The following CNTN6 variants were observed in gnomAD, a reference collection of about 807,000 sequenced individuals.
The protein encoded by CNTN6 is contactin-6.
A neutral mutation model predicts 122.8 loss-of-function variants in CNTN6; 137 were observed. That is an observed-to-expected ratio of 1.12 (90% CI 0.97 to 1.29). The LOEUF is 1.29. Ranked by LOEUF, CNTN6 falls within the 50% of genes most tolerant of loss-of-function variation. The pLI is 0.00. For synonymous variants in CNTN6, 570 were observed against 426.0 expected, an observed-to-expected ratio of 1.34 and a Z score of -4.16; for missense variants, 1,634 against 1,223.4, an observed-to-expected ratio of 1.34 and a Z score of -5.01.
At chr3:1,376,102 G>T (rs916280765) in intron 16 of CNTN6, among the ~76,000 whole-genome samples, 46 of 152,036 alleles carry the variant, frequency 3.0e-4, no homozygotes, top group African/African-American at 1.0e-3. Context: ...CATTTAAAAA[G>T]TATACCCTGC....
At chr3:1,183,687 T>C (rs553413123) in intron 2 of CNTN6, among the ~76,000 whole-genome samples, 1 of 152,306 alleles carries the variant, frequency 6.6e-6, no homozygotes, top group African/African-American at 2.4e-5. Flanking sequence ...AACTCTAGTC[T>C]GAATCATTGC....
chr3:1,117,028 G>T lies in CNTN6; in HGVS notation c.-83+23908G>T, dbSNP rs145472995. On this transcript the variant is annotated intron_variant, in intron 1 of 22. Transcript: ENST00000446702. ...ACCCAGCCGGGGAATGCCAAGTCAT[G>T]AATCAAAGTATCACCGTGTCATAGA... 6.4e-3 allele frequency among the ~76,000 whole-genome samples: 967 copies of T among 152,218 alleles called. 16 individuals carry two copies. The highest frequency in any genetic ancestry group is 0.024 in the Middle Eastern group (7 of 294).
rs770235675 is a variant in CNTN6 at position 1,383,171 on chromosome 3, A to T, written c.2396A>T (p.Glu799Val). 5 of 1,611,684 alleles carry T rather than the reference A, an allele frequency of 3.1e-6. No homozygotes were observed. The highest frequency in any genetic ancestry group is 4.2e-6 in the Non-Finnish European group (5 of 1,177,986). The part of the protein sequence containing the change: ...LSTVTIVYSG[E>V]DEPQLAPRGT... ...ACTGTGACCATTGTCTACTCTGGGG[A>T]AGATGGTAAGTTGTCCTCAACTCTG... The change falls in exon 18 of 23, where the codon GAA becomes GTA. Residue 799 changes from glutamate to valine, a missense_variant. Physicochemically the swap from Glu to Val is moderately radical, Grantham distance 121. Coordinates refer to ENST00000446702, the MANE Select transcript of CNTN6 (RefSeq NM_001289080.2).
intron 2 of CNTN6, among the ~76,000 whole-genome samples, chr3:1,212,365 C>T (rs2094053941): frequency 6.6e-6 from 1 of 150,796 alleles, no homozygotes; most frequent in Admixed American, 6.6e-5. Flanking sequence ...TGCCCAGCCT[C>T]TCTAATAAAA....
chr3:1,104,173 A>AG lies in CNTN6; in HGVS notation c.-83+11059dup, dbSNP rs551766552. ...AAGTATACAACTCTACCAGGTGGAA[A>AG]GGGGGGCTAACATTGTTAATTTTCG... On this transcript the variant is annotated intron_variant, in intron 1 of 22. Transcript: ENST00000446702. Among the ~76,000 whole-genome samples the AG allele has an allele frequency of 2.9e-3, 445 of 152,096 alleles. 4 individuals carry two copies. Among genetic ancestry groups the AG allele is most frequent in the African/African-American group, 0.01 (425 of 41,442 alleles).
intron 2 of CNTN6, among the ~76,000 whole-genome samples, chr3:1,180,551 A>C (rs2093534989): frequency 6.6e-6 from 1 of 152,238 alleles, no homozygotes; most frequent in Non-Finnish European, 1.5e-5. Context: ...ATCTGTCAGC[A>C]ATGTTTCAAC....
intron 4 of CNTN6, among the ~76,000 whole-genome samples, chr3:1,266,533 C>T (rs1559652881): frequency 2.0e-5 from 3 of 152,124 alleles, no homozygotes; most frequent in Admixed American, 2.0e-4. Flanking sequence ...AAGACCTTTA[C>T]CCAGGAGCTC....
At chr3:1,329,438 A>C (rs1490927188) in intron 10 of CNTN6, among the ~76,000 whole-genome samples, 2 of 151,632 alleles carry the variant, frequency 1.3e-5, no homozygotes, top group Non-Finnish European at 2.9e-5. Context: ...CCTCTCTACC[A>C]CTTGCTTTTA....
At chr3:1,203,870 A>G (rs991427397) in intron 2 of CNTN6, among the ~76,000 whole-genome samples, 2 of 152,082 alleles carry the variant, frequency 1.3e-5, no homozygotes, top group Non-Finnish European at 2.9e-5. Context: ...TACCTTTTCT[A>G]TGTATAGATA....
intron 2 of CNTN6, among the ~76,000 whole-genome samples, chr3:1,148,645 G>A (rs1022891634): frequency 6.6e-6 from 1 of 152,098 alleles, no homozygotes; most frequent in African/African-American, 2.4e-5. Flanking sequence ...TAATATCTGT[G>A]TATCAGTTAA....
At chr3:1,336,135 A>G (rs1703028206) in intron 11 of CNTN6, among the ~76,000 whole-genome samples, 1 of 149,864 alleles carries the variant, frequency 6.7e-6, no homozygotes, top group South Asian at 2.1e-4. Flanking sequence ...TTAAAAAAAA[A>G]GCCTACTGCA....
At chr3:1,350,961 A>C (rs1411038786) in intron 11 of CNTN6, among the ~76,000 whole-genome samples, 1 of 151,848 alleles carries the variant, frequency 6.6e-6, no homozygotes, top group Non-Finnish European at 1.5e-5. Flanking sequence ...TCAATTGTTA[A>C]TGTAAATTGG....
chr3:1,250,498 CA>C (rs1332903105), intron 4 of CNTN6, among the ~76,000 whole-genome samples: 2 of 152,156 alleles, frequency 1.3e-5, no homozygotes, highest in Non-Finnish European at 2.9e-5. Context: ...AACACACACT[CA>C]AAACACACAT....
intron 1 of CNTN6, among the ~76,000 whole-genome samples, chr3:1,137,221 A>T (rs2092499361): frequency 6.6e-6 from 1 of 152,206 alleles, no homozygotes; most frequent in South Asian, 2.1e-4. Context: ...GGTGTGAGAC[A>T]ATAGGGGGTG....
chr3:1,217,714 T>G (rs2125507032), intron 2 of CNTN6, among the ~76,000 whole-genome samples: 1 of 152,276 alleles, frequency 6.6e-6, no homozygotes, highest in East Asian at 1.9e-4. Context: ...TGTTCTCAGA[T>G]TCCTCTGGTG....
At chr3:1,386,773 A>T (rs1227736078) in intron 20 of CNTN6, among the ~76,000 whole-genome samples, 1 of 152,198 alleles carries the variant, frequency 6.6e-6, no homozygotes, top group Non-Finnish European at 1.5e-5. Flanking sequence ...ACTAAGACAA[A>T]TTCAGTGCCA....
intron 5 of CNTN6, among the ~76,000 whole-genome samples, chr3:1,288,114 G>A (rs547147292): frequency 6.6e-6 from 1 of 152,260 alleles, no homozygotes; most frequent in East Asian, 1.9e-4. Flanking sequence ...CCTTCTCCAA[G>A]TAGGTTTGGC....
In CNTN6 at chr3:1,321,668, T is replaced by C. The variant is rs1223152695; in HGVS notation, c.780T>C (p.Ser260=). The C allele has an allele frequency of 6.2e-7, 1 of 1,611,028 alleles. No homozygotes were observed. Among genetic ancestry groups the C allele is most frequent in the Non-Finnish European group, 8.5e-7 (1 of 1,178,244 alleles). ...FALGNPVPDI[S]WRRLDGSPLP... ...TGTTTAGTCCAGTCCCCGATATTAG[T>C]TGGAGAAGGTTGGACGGGAGCCCGT... Residue 260 remains serine (S), a synonymous_variant, in exon 8 of 23, where the codon AGT becomes AGC. Transcript: ENST00000446702.
intron 4 of CNTN6, among the ~76,000 whole-genome samples, chr3:1,273,069 G>A (rs939255193): frequency 1.3e-5 from 2 of 151,954 alleles, no homozygotes; most frequent in Admixed American, 1.3e-4. Flanking sequence ...CTGCATTTTT[G>A]CTTATACTCC....
Sources: gnomAD v4.1 joint callset for allele counts (sites outside exome capture counted in the v4.1 genomes callset) on GRCh38, gnomAD v4.1.1 for gene constraint, MANE v1.5 for transcripts, NCBI Gene and HGNC (gene_info 2026-07-23, HGNC 2026-07-21) for gene names.